Variants in ESYT2 observed in about 807,000 individuals in gnomAD.
ESYT2 encodes the protein extended synaptotagmin-2.
Under a neutral mutation model 107.2 loss-of-function variants are expected in ESYT2, and 54 were observed. That is an observed-to-expected ratio of 0.50 (90% confidence interval 0.40 to 0.63). The LOEUF (loss-of-function observed/expected upper bound fraction) is 0.63, where lower values mean the gene tolerates loss of function less well. Among genes scored for constraint, ESYT2 ranks in the 30% least tolerant of loss-of-function variants. ESYT2 has a pLI of 0.00. For synonymous variants in ESYT2, 491 were observed against 434.1 expected (o/e 1.13, Z -1.63); for missense variants, 1,020 against 1,094.5 (o/e 0.93, Z 0.96).
intron 7 of ESYT2, among the ~76,000 whole-genome samples, chr7:158,772,243 G>A (rs147654410): frequency 2.6e-5 from 4 of 152,028 alleles, no homozygotes; most frequent in African/African-American, 4.8e-5. Flanking sequence ...CTTTCTTTCC[G>A]CAGATCTTTT....
At position 158,829,458 on chromosome 7, in the gene ESYT2, C is replaced by T; in HGVS notation, c.-40G>A. 1.7e-6 allele frequency: 2 copies of T among 1,201,052 alleles called. No individual in the cohort carries two copies. The highest frequency in any genetic ancestry group is 3.6e-5 in the East Asian group (1 of 27,858). 74.4% of individuals were successfully genotyped at this position (1,201,052 alleles called of 1,614,324 possible). A position where few individuals can be genotyped will look rare whatever the true frequency, so the allele number is the denominator to read the frequency against. ...GCGCTGCCCTCCCGGCCGAGGCGGGCTGGGTGCTCGCGCTGATCCCGGGCG... is the reference window on the plus strand; with the variant it reads ...GCGCTGCCCTCCCGGCCGAGGCGGGTTGGGTGCTCGCGCTGATCCCGGGCG... On this transcript the variant is annotated 5_prime_UTR_variant, in exon 1 of 23. Transcript: ENST00000275418.
chr7:158,785,467 AAAT>A (rs760540750), intron 6 of ESYT2, among the ~76,000 whole-genome samples: 2 of 136,976 alleles, frequency 1.5e-5, no homozygotes, highest in Non-Finnish European at 3.2e-5. Flanking sequence ...ATAAATAAAT[AAAT>A]AAATCACCTC....
At chr7:158,809,890 A>G (rs991967317) in intron 1 of ESYT2, among the ~76,000 whole-genome samples, 2 of 152,218 alleles carry the variant, frequency 1.3e-5, no homozygotes, top group African/African-American at 4.8e-5. Context: ...TTTTCTGCTC[A>G]TAAATCTTCT....
chr7:158,781,171 G>C (rs1838777888), intron 6 of ESYT2, among the ~76,000 whole-genome samples: 1 of 151,892 alleles, frequency 6.6e-6, no homozygotes, highest in Admixed American at 6.6e-5. Context: ...GGTGTGAGGA[G>C]TGTGAGAGAA....
intron 1 of ESYT2, among the ~76,000 whole-genome samples, chr7:158,804,524 CGCGCG>C: frequency 6.8e-6 from 1 of 147,394 alleles, no homozygotes; most frequent in East Asian, 2.0e-4. Flanking sequence ...AAAAGTGAGG[CGCGCG>C]ACAAACCCAA....
intron 1 of ESYT2, among the ~76,000 whole-genome samples, chr7:158,818,155 T>G (rs145323964): frequency 9.8e-5 from 15 of 152,342 alleles, no homozygotes; most frequent in African/African-American, 3.6e-4. Context: ...CAAAAGGAAG[T>G]TAATGAATAT....
chr7:158,772,204 A>G (rs576771153), intron 7 of ESYT2, among the ~76,000 whole-genome samples: 5 of 151,990 alleles, frequency 3.3e-5, no homozygotes, highest in Non-Finnish European at 2.9e-5. Context: ...AATCTTAATG[A>G]ACTCTTTAAC....
intron 1 of ESYT2, among the ~76,000 whole-genome samples, chr7:158,802,316 T>G (rs1286536425): frequency 6.6e-6 from 1 of 152,122 alleles, no homozygotes; most frequent in Non-Finnish European, 1.5e-5. Flanking sequence ...AGATGGAGTC[T>G]AACTCCGTCA....
rs777069396 is a variant in ESYT2, at chr7:158,788,336, A to C, written c.657+9T>G. 6.3e-7 allele frequency: 1 copy of C among 1,596,266 alleles called. No individual in the cohort carries two copies. Among genetic ancestry groups the C allele is most frequent in the East Asian group, 2.2e-5 (1 of 44,788 alleles). On this transcript the variant is annotated intron_variant, in intron 5 of 22. Coordinates refer to ENST00000275418, the MANE Select transcript of ESYT2 (RefSeq NM_001367773.1). ...CTGTCAAATTAAAACAAAAAAACAA[A>C]AAACTTACCTGGATACTTTTCACAC... is the stretch of plus-strand genomic sequence containing the variant.
intron 15 of ESYT2, among the ~76,000 whole-genome samples, chr7:158,749,014 TTA>T (rs928815914): frequency 6.6e-6 from 1 of 152,192 alleles, no homozygotes; most frequent in African/African-American, 2.4e-5. Context: ...TTTAAACTAT[TTA>T]TAGAGTGCTC....
At chr7:158,750,526 T>C (rs1035376412) in intron 14 of ESYT2, among the ~76,000 whole-genome samples, 2 of 152,176 alleles carry the variant, frequency 1.3e-5, no homozygotes, top group Non-Finnish European at 1.5e-5. Context: ...GACTCAACAA[T>C]ACAGCAGTGT....
intron 6 of ESYT2, among the ~76,000 whole-genome samples, chr7:158,778,866 T>A (rs80182121): frequency 6.6e-6 from 1 of 151,816 alleles, no homozygotes; most frequent in African/African-American, 2.4e-5. Context: ...TTTTTTAACA[T>A]GCTCCCAAGA....
At chr7:158,794,405 G>A (rs1232102896) in intron 3 of ESYT2, among the ~76,000 whole-genome samples, 1 of 152,194 alleles carries the variant, frequency 6.6e-6, no homozygotes, top group African/African-American at 2.4e-5. Context: ...GAGGTGGGGA[G>A]ATTGCTTGAG....
intron 6 of ESYT2, among the ~76,000 whole-genome samples, chr7:158,781,755 A>C (rs1217480597): frequency 1.3e-5 from 2 of 151,628 alleles, no homozygotes; most frequent in African/African-American, 4.8e-5. Context: ...ACAAAGTGTG[A>C]GAGATGTGAG....
At chr7:158,753,164 T>G (rs139306763) in intron 13 of ESYT2, among the ~76,000 whole-genome samples, 179 of 152,342 alleles carry the variant, frequency 1.2e-3, no homozygotes, top group African/African-American at 3.8e-3. Context: ...AGGGTTCTAT[T>G]TACTATTCTA....
chr7:158,756,914 TAAAAAAAAAAAA>T lies in ESYT2; in HGVS notation c.1419+2560_1419+2571del, dbSNP rs201326042. On this transcript the variant is annotated intron_variant, in intron 13 of 22. Transcript: ENST00000275418. ...AGAAGAGCAAAACTCCATCTCAAAT[TAAAAAAAAAAAA>T]AAAAAAAAAAAAAGGAGGGGATAGA... Among the ~76,000 whole-genome samples, 653 of 98,778 alleles carry T rather than the reference TAAAAAAAAAAAA, an allele frequency of 6.6e-3. 41 individuals are homozygous for T. The East Asian group carries it at 0.17, about 26-fold the overall frequency. The allele number at this position is 98,778 out of a possible 152,430, so 64.8% of individuals were successfully genotyped here.
At chr7:158,824,485 A>G (rs1154001) in intron 1 of ESYT2, among the ~76,000 whole-genome samples, 140,869 of 152,302 alleles carry the variant, frequency 0.92, 65,271 homozygotes, top group Middle Eastern at 0.96. Context: ...CTGTTCATTT[A>G]GTTCTTAGAC....
In ESYT2 at chr7:158,743,945, G is replaced by A. The variant is rs886284430; in HGVS notation, c.1645-267C>T. The A allele has an allele frequency of 1.0e-4, 30 of 297,416 alleles. No homozygotes were observed. The East Asian group carries it at 2.1e-3, about 21-fold the overall frequency. The allele number at this position is 297,416 out of a possible 1,614,324, so 18.4% of individuals were successfully genotyped here. A position where few individuals can be genotyped will look rare whatever the true frequency, so the allele number is the denominator to read the frequency against. On this transcript the variant is annotated intron_variant, in intron 16 of 22. Coordinates refer to ENST00000275418, the MANE Select transcript of ESYT2 (RefSeq NM_001367773.1). Reference sequence around the variant, plus strand: ...AAAAATTAGTTGGGCATGGTGGCGCGCACCTGTAGTCCCAGCCACTCAAGA... The same window carrying A: ...AAAAATTAGTTGGGCATGGTGGCGCACACCTGTAGTCCCAGCCACTCAAGA...
At chr7:158,753,570 A>G (rs1352604734) in intron 13 of ESYT2, among the ~76,000 whole-genome samples, 1 of 152,002 alleles carries the variant, frequency 6.6e-6, no homozygotes, top group Non-Finnish European at 1.5e-5. Flanking sequence ...ATTAACTTCA[A>G]ACTTGTGACA....
Sources: gnomAD v4.1 joint callset for allele counts (sites outside exome capture counted in the v4.1 genomes callset) on GRCh38, gnomAD v4.1.1 for gene constraint, MANE v1.5 for transcripts, NCBI Gene and HGNC (gene_info 2026-07-23, HGNC 2026-07-21) for gene names.